The following ADAM7 variants were observed in gnomAD, a reference collection of about 807,000 sequenced individuals.
ADAM7 encodes the protein ADAM metallopeptidase domain 7.
ADAM7 carries 97 observed loss-of-function variants against 102.9 expected under a neutral mutation model. The observed-to-expected ratio is 0.94, with a 90% CI of 0.80 to 1.12. The LOEUF is 1.12. Among genes scored for constraint, ADAM7 ranks in the 50% most tolerant of loss-of-function variants. The pLI, the probability that ADAM7 is intolerant of heterozygous loss-of-function variation, is 0.00. For synonymous variants in ADAM7, 334 were observed against 304.4 expected (o/e 1.10, Z -1.01); for missense variants, 991 against 908.7 (o/e 1.09, Z -1.16).
At chr8:24,457,997 C>T (rs913736431) in intron 3 of ADAM7, among the ~76,000 whole-genome samples, 5 of 151,938 alleles carry the variant, frequency 3.3e-5, no homozygotes, top group Non-Finnish European at 5.9e-5. Flanking sequence ...ACTTTGGCAC[C>T]TTCGGCCAAA....
At chr8:24,478,618 C>T (rs1464511891) in intron 8 of ADAM7, among the ~76,000 whole-genome samples, 2 of 152,098 alleles carry the variant, frequency 1.3e-5, no homozygotes, top group African/African-American at 4.8e-5. Flanking sequence ...CCTTGGGGGC[C>T]ATCTTCAAAT....
At position 24,485,334 on chromosome 8, in the gene ADAM7, G is replaced by T; in HGVS notation, c.933G>T (p.Leu311=). The part of the protein sequence containing the change: ...QGISYPGGMC[L]PYYSTSIIKD... Reference sequence around the variant, plus strand: ...TTTCTTATCCAGGGGGTATGTGCCTGCCCTATTATTCCACCAGTATCATTA... The same window carrying T: ...TTTCTTATCCAGGGGGTATGTGCCTTCCCTATTATTCCACCAGTATCATTA... Residue 311 remains leucine, a synonymous_variant, in exon 10 of 22, where the codon CTG becomes CTT. Coordinates refer to ENST00000175238, the MANE Select transcript of ADAM7 (RefSeq NM_003817.4). 1 of 1,613,450 alleles carries T rather than the reference G, an allele frequency of 6.2e-7. No homozygotes were observed. Among genetic ancestry groups the T allele is most frequent in the South Asian group, 1.1e-5 (1 of 91,018 alleles).
intron 20 of ADAM7, among the ~76,000 whole-genome samples, chr8:24,504,371 AAAC>A (rs1485419388): frequency 1.3e-5 from 2 of 152,058 alleles, no homozygotes; most frequent in Non-Finnish European, 2.9e-5. Flanking sequence ...CTGTCTCAAA[AAAC>A]AACAATATCA....
At chr8:24,464,412 T>C (rs1426933593) in intron 4 of ADAM7, among the ~76,000 whole-genome samples, 1 of 152,230 alleles carries the variant, frequency 6.6e-6, no homozygotes, top group Non-Finnish European at 1.5e-5. Flanking sequence ...TCTTCAATCC[T>C]CAAATGAATT....
rs759960957 is a variant in ADAM7, at chr8:24,493,035, T to G, written c.1656-8T>G. On this transcript the variant is annotated splice_region_variant and splice_polypyrimidine_tract_variant and intron_variant, in intron 15 of 21. Transcript: ENST00000175238. Reference sequence around the variant, plus strand: ...GTTCCAAGTTTGAATATTCTGCCTTTCCTTCAGAGATGTCAGATGTGGAAA... The same window carrying G: ...GTTCCAAGTTTGAATATTCTGCCTTGCCTTCAGAGATGTCAGATGTGGAAA... The G allele has an allele frequency of 3.3e-5, 51 of 1,561,514 alleles. No homozygotes were observed. The highest frequency in any genetic ancestry group is 4.2e-5 in the African/African-American group (3 of 71,568).
intron 3 of ADAM7, among the ~76,000 whole-genome samples, chr8:24,459,890 T>A (rs922612142): frequency 1.3e-5 from 2 of 152,184 alleles, no homozygotes; most frequent in Non-Finnish European, 2.9e-5. Flanking sequence ...TAGAAATATT[T>A]AATATTTTCT....
Position 24,468,777 on chromosome 8 carries a change from A to T in ADAM7, c.590A>T (p.Asp197Val). The change falls in exon 7 of 22, where the codon GAT becomes GTT. Residue 197 changes from aspartate (D) to valine (V), a missense_variant. Physicochemically the swap from Asp to Val is radical, Grantham distance 152. Coordinates refer to ENST00000175238, the MANE Select transcript of ADAM7 (RefSeq NM_003817.4). ...TCCCTAACTTTACAGGGCATCCATGATGAAAAGTATGTTGAATTGTTCATT... is the reference window on the plus strand; with the variant it reads ...TCCCTAACTTTACAGGGCATCCATGTTGAAAAGTATGTTGAATTGTTCATT... ...EEDSKIKGIH[D>V]EKYVELFIVA... The T allele has an allele frequency of 6.2e-7, 1 of 1,613,412 alleles. No homozygotes were observed. The highest frequency in any genetic ancestry group is 8.5e-7 in the Non-Finnish European group (1 of 1,179,742).
At chr8:24,463,163 T>C (rs1461362754) in intron 3 of ADAM7, among the ~76,000 whole-genome samples, 1 of 152,156 alleles carries the variant, frequency 6.6e-6, no homozygotes, top group Non-Finnish European at 1.5e-5. Flanking sequence ...TATGAAGGGA[T>C]CTCAAAATCT....
chr8:24,461,990 A>T (rs1467107628), intron 3 of ADAM7, among the ~76,000 whole-genome samples: 2 of 152,196 alleles, frequency 1.3e-5, no homozygotes, highest in Admixed American at 6.5e-5. Flanking sequence ...TCTGCTGATC[A>T]TCTTTTCTCT....
intron 11 of ADAM7, among the ~76,000 whole-genome samples, chr8:24,488,809 G>T (rs960862130): frequency 6.6e-6 from 1 of 151,786 alleles, no homozygotes; most frequent in East Asian, 1.9e-4. Context: ...TACAATTATT[G>T]CTTTGAGATG....
At chr8:24,441,719 A>G (rs1336769039) in intron 1 of ADAM7, among the ~76,000 whole-genome samples, 2 of 152,228 alleles carry the variant, frequency 1.3e-5, no homozygotes, top group African/African-American at 2.4e-5. Flanking sequence ...GGGCTACCCA[A>G]AATTCTTTAA....
intron 20 of ADAM7, chr8:24,506,149 T>A: frequency 6.5e-7 from 1 of 1,549,848 alleles, no homozygotes; most frequent in Non-Finnish European, 8.7e-7. Context: ...CCCCACTACA[T>A]CACACTGGTA....
chr8:24,498,282 CTT>C (rs1240372715), intron 16 of ADAM7, among the ~76,000 whole-genome samples: 5 of 151,244 alleles, frequency 3.3e-5, no homozygotes, highest in Non-Finnish European at 7.4e-5. Context: ...CAATCAAAAA[CTT>C]GAATTGAGAG....
At chr8:24,502,208 A>G (rs575977279) in intron 20 of ADAM7, among the ~76,000 whole-genome samples, 32 of 145,910 alleles carry the variant, frequency 2.2e-4, no homozygotes, top group Non-Finnish European at 4.1e-4. Context: ...GGGAAATTAG[A>G]AAGTGTTTTA....
intron 3 of ADAM7, 55 bp from the exon 4 acceptor site, chr8:24,463,827 T>C: frequency 7.0e-7 from 1 of 1,427,286 alleles, no homozygotes; most frequent in Non-Finnish European, 9.9e-7. Flanking sequence ...ATAGGTTTTA[T>C]CTGTCAGGTT....
At chr8:24,476,288 AG>A (rs1318988864) in intron 7 of ADAM7, 144 bp from the exon 8 acceptor site, 2 of 584,908 alleles carry the variant, frequency 3.4e-6, no homozygotes, top group African/African-American at 3.7e-5. Context: ...TAAGTTGTCT[AG>A]TTTTTAGCTG....
intron 3 of ADAM7, among the ~76,000 whole-genome samples, chr8:24,456,475 T>C (rs1435109144): frequency 1.3e-5 from 2 of 152,162 alleles, no homozygotes; most frequent in African/African-American, 4.8e-5. Flanking sequence ...ATTCCAAATC[T>C]TTTACGTAAA....
In ADAM7 at chr8:24,466,688, G is replaced by A. The variant is rs1189675064; in HGVS notation, c.390-111G>A. On this transcript the variant is annotated intron_variant, in intron 5 of 21. Coordinates refer to ENST00000175238, the MANE Select transcript of ADAM7 (RefSeq NM_003817.4). ...TACCACTGAAAGCACTCTCCTACCT[G>A]TTCATGAAGCACTGGCTTTGTGGTT... 4 of 937,026 alleles carry A rather than the reference G, an allele frequency of 4.3e-6. No individual in the cohort carries two copies. In the African/African-American group the frequency reaches 5.0e-5, roughly 12 times the overall value. The allele number at this position is 937,026 out of a possible 1,614,324, so 58.0% of individuals were successfully genotyped here. A position where few individuals can be genotyped will look rare whatever the true frequency, so the allele number is the denominator to read the frequency against.
At chr8:24,468,111 T>A (rs1259477112) in intron 6 of ADAM7, among the ~76,000 whole-genome samples, 1 of 152,030 alleles carries the variant, frequency 6.6e-6, no homozygotes, top group Non-Finnish European at 1.5e-5. Context: ...GATCTATGAT[T>A]AGCAAAATTT....
Sources: gnomAD v4.1 joint callset for allele counts (sites outside exome capture counted in the v4.1 genomes callset) on GRCh38, gnomAD v4.1.1 for gene constraint, MANE v1.5 for transcripts, NCBI Gene and HGNC (gene_info 2026-07-23, HGNC 2026-07-21) for gene names.